Variants in CHCHD3 observed in about 807,000 individuals in gnomAD.
CHCHD3 encodes MICOS complex subunit MIC19.
A neutral mutation model predicts 38.2 loss-of-function variants in CHCHD3; 20 were observed. That is an observed-to-expected ratio of 0.52 (90% CI 0.37 to 0.76). CHCHD3 has a LOEUF of 0.76. CHCHD3 is among the 30% of genes least tolerant of loss of function. CHCHD3 has a pLI of 0.00. For synonymous variants in CHCHD3, 82 were observed against 100.0 expected, an observed-to-expected ratio of 0.82 and a Z score of 1.07; for missense variants, 245 against 279.2, an observed-to-expected ratio of 0.88 and a Z score of 0.87.
chr7:132,956,940 G>A (rs1285095071), intron 4 of CHCHD3, among the ~76,000 whole-genome samples: 3 of 152,208 alleles, frequency 2.0e-5, no homozygotes, highest in Non-Finnish European at 4.4e-5. Flanking sequence ...CTCTTCTGAA[G>A]AGCGATCTAC....
In CHCHD3 at chr7:133,035,971, AG is replaced by A; in HGVS notation, c.170-11345del. The stretch of plus-strand genomic sequence containing the variant: ...TCCAGTCTTAAAAGTGTTATCAGGT[AG>A]GGGTCCTTAGGGGAACTGTTTTAAT... On this transcript the variant is annotated intron_variant, in intron 2 of 7. Transcript: ENST00000262570. The surrounding 1 kb of genome is among the most constrained non-coding windows in gnomAD (Gnocchi z 4.7). The A allele has an allele frequency of 8.4e-7, 1 of 1,189,246 alleles. No homozygotes were observed. Among genetic ancestry groups the A allele is most frequent in the Non-Finnish European group, 1.2e-6 (1 of 813,296 alleles). 73.7% of individuals were successfully genotyped at this position (1,189,246 alleles called of 1,614,324 possible).
intron 4 of CHCHD3, among the ~76,000 whole-genome samples, chr7:132,894,876 A>G (rs1809455678): frequency 6.6e-6 from 1 of 152,258 alleles, no homozygotes; most frequent in African/African-American, 2.4e-5. Context: ...TGCTGCCAGC[A>G]TGTTACTCAG....
chr7:132,992,576 G>C (rs1420329534), intron 3 of CHCHD3, among the ~76,000 whole-genome samples: 2 of 152,152 alleles, frequency 1.3e-5, no homozygotes, highest in African/African-American at 2.4e-5. Flanking sequence ...TCCAATCCAA[G>C]ACTTGCTTAA....
At chr7:133,057,497 G>A (rs1294023393) in intron 2 of CHCHD3, among the ~76,000 whole-genome samples, 3 of 152,138 alleles carry the variant, frequency 2.0e-5, no homozygotes, top group Admixed American at 2.0e-4. Context: ...AGCAGTTCAA[G>A]GCTGCAGTGA....
intron 3 of CHCHD3, among the ~76,000 whole-genome samples, chr7:133,001,407 T>C (rs1584634015): frequency 6.6e-6 from 1 of 152,156 alleles, no homozygotes; most frequent in East Asian, 1.9e-4. Context: ...CCCTTGAAAA[T>C]GATTATCTGA....
chr7:132,927,220 A>G (rs1226599175), intron 4 of CHCHD3, among the ~76,000 whole-genome samples: 1 of 152,250 alleles, frequency 6.6e-6, no homozygotes, highest in Non-Finnish European at 1.5e-5. Flanking sequence ...GAAAACCATA[A>G]ATGTTCTACA....
At chr7:132,871,793 C>T (rs939301969) in intron 5 of CHCHD3, among the ~76,000 whole-genome samples, 12 of 152,188 alleles carry the variant, frequency 7.9e-5, no homozygotes, top group Non-Finnish European at 7.3e-5. Flanking sequence ...ATAATATCTG[C>T]ACACACAGTA....
intron 4 of CHCHD3, among the ~76,000 whole-genome samples, chr7:132,886,426 C>T (rs560592319): frequency 1.3e-5 from 2 of 151,668 alleles, no homozygotes; most frequent in African/African-American, 2.4e-5. Context: ...AAGATGGCTA[C>T]TTACCGATAT....
chr7:132,815,611 T>A, intron 6 of CHCHD3: 1 of 455,890 alleles, frequency 2.2e-6, no homozygotes, highest in South Asian at 1.6e-5. Flanking sequence ...TGTTTTGTGA[T>A]ATTTCATTTC....
chr7:132,853,435 A>G (rs913944322), intron 5 of CHCHD3, among the ~76,000 whole-genome samples: 3 of 152,178 alleles, frequency 2.0e-5, no homozygotes, highest in African/African-American at 7.2e-5. Context: ...ATCCTGGCCA[A>G]CATGGTGAAA....
In CHCHD3 at chr7:132,886,832, T is replaced by C; in HGVS notation, c.370-1087A>G. ...ACAAGTATATATTTAGGCATTCCCATCCTTGTGCTATTTCACCAAAATTCT... is the reference window on the plus strand; with the variant it reads ...ACAAGTATATATTTAGGCATTCCCACCCTTGTGCTATTTCACCAAAATTCT... On this transcript the variant is annotated intron_variant, in intron 4 of 7. Transcript: ENST00000262570. The C allele has an allele frequency of 7.2e-6, 3 of 418,630 alleles. No individual in the cohort carries two copies. In the South Asian group the frequency reaches 3.8e-4, roughly 53 times the overall value. The allele number at this position is 418,630 out of a possible 1,614,324, so 25.9% of individuals were successfully genotyped here. A position where few individuals can be genotyped will look rare whatever the true frequency, so the allele number is the denominator to read the frequency against.
chr7:132,930,483 C>A (rs1810488191), intron 4 of CHCHD3, among the ~76,000 whole-genome samples: 1 of 152,202 alleles, frequency 6.6e-6, no homozygotes, highest in Admixed American at 6.5e-5. Flanking sequence ...CTCTTAATTT[C>A]ATTCCAACCT....
At chr7:132,899,952 T>A (rs929042132) in intron 4 of CHCHD3, among the ~76,000 whole-genome samples, 2 of 152,234 alleles carry the variant, frequency 1.3e-5, no homozygotes, top group Non-Finnish European at 2.9e-5. Flanking sequence ...TCTGCCAAAC[T>A]GCTAGGATGC....
rs192125700 is a variant in CHCHD3 at position 133,067,972 on chromosome 7, C to T, written c.169+2170G>A. On this transcript the variant is annotated intron_variant, in intron 2 of 7. Transcript: ENST00000262570. ...TCTACTAAAAATATAAAAAATTAGC[C>T]GGGCGTGGTGGTGGGAGCCTGTAGT... Among the ~76,000 whole-genome samples, 117 of 152,022 alleles carry T rather than the reference C, an allele frequency of 7.7e-4. 1 individual carries two copies. Among genetic ancestry groups the T allele is most frequent in the African/African-American group, 2.7e-3 (112 of 41,442 alleles).
intron 1 of CHCHD3, among the ~76,000 whole-genome samples, chr7:133,076,484 T>C (rs1414216189): frequency 6.6e-6 from 1 of 152,184 alleles, no homozygotes. Flanking sequence ...CCCACTGAAC[T>C]TGACTGTCCA....
intron 5 of CHCHD3, among the ~76,000 whole-genome samples, chr7:132,878,239 T>C (rs1176705397): frequency 6.6e-6 from 1 of 152,188 alleles, no homozygotes; most frequent in African/African-American, 2.4e-5. Flanking sequence ...AGAAGCACTC[T>C]GGGCTGACAA....
At chr7:132,862,200 A>G (rs572979143) in intron 5 of CHCHD3, among the ~76,000 whole-genome samples, 4 of 152,028 alleles carry the variant, frequency 2.6e-5, no homozygotes, top group African/African-American at 9.6e-5. Context: ...AGGGAGAGGA[A>G]CAGAGAGAGA....
intron 2 of CHCHD3, among the ~76,000 whole-genome samples, chr7:133,033,580 T>A (rs746822623): frequency 5.0e-4 from 76 of 152,198 alleles, no homozygotes; most frequent in Non-Finnish European, 8.7e-4. Flanking sequence ...GTGGGAAATC[T>A]AGCTATTTTA....
intron 4 of CHCHD3, among the ~76,000 whole-genome samples, chr7:132,904,780 A>T (rs937559271): frequency 1.3e-4 from 20 of 152,178 alleles, no homozygotes; most frequent in African/African-American, 4.8e-4. Flanking sequence ...TACTATAAAG[A>T]CACATGCACA....
Sources: allele counts gnomAD v4.1 joint callset (sites outside exome capture counted in the v4.1 genomes callset), GRCh38; gene constraint gnomAD v4.1.1; non-coding constraint Gnocchi (gnomAD v3.1); transcripts MANE v1.5; gene names NCBI Gene and HGNC (gene_info 2026-07-23, HGNC 2026-07-21).